Variants in EFR3A observed in about 807,000 individuals in gnomAD.
EFR3A encodes EFR3 homolog A.
Under a neutral mutation model 104.4 loss-of-function variants are expected in EFR3A, and 76 were observed. The observed-to-expected ratio is 0.73, with a 90% CI of 0.60 to 0.88. The LOEUF is 0.88. Ranked by LOEUF, EFR3A falls within the 40% of genes least tolerant of loss-of-function variation. The pLI is 0.00. For synonymous variants in EFR3A, 330 were observed against 330.0 expected (o/e 1.00, Z 0.00); for missense variants, 985 against 1,012.5 (o/e 0.97, Z 0.37).
In EFR3A at chr8:132,012,328, G is replaced by A. The variant is rs1822383266; in HGVS notation, c.*1433G>A. The A allele has an allele frequency of 6.6e-6, 1 of 152,116 alleles. No homozygotes were observed. Among genetic ancestry groups the A allele is most frequent in the Non-Finnish European group, 1.5e-5 (1 of 68,014 alleles). 9.4% of individuals were successfully genotyped at this position (152,116 alleles called of 1,614,324 possible). On this transcript the variant is annotated 3_prime_UTR_variant, in exon 23 of 23. Coordinates refer to ENST00000254624, the MANE Select transcript of EFR3A (RefSeq NM_015137.6). ...GACAAAAGTAAGGAAACGATAATAGGACAAGCATACTTGAAAATTTCTGAA... is the reference window on the plus strand; with the variant it reads ...GACAAAAGTAAGGAAACGATAATAGAACAAGCATACTTGAAAATTTCTGAA...
chr8:131,959,772 C>T (rs948403195), intron 8 of EFR3A, 109 bp downstream of exon 8: 1 of 618,534 alleles, frequency 1.6e-6, no homozygotes, highest in African/African-American at 1.9e-5. Flanking sequence ...AATCATTGCT[C>T]TTAATTTAGC....
intron 8 of EFR3A, among the ~76,000 whole-genome samples, chr8:131,960,710 G>T (rs1467532513): frequency 6.6e-6 from 1 of 152,098 alleles, no homozygotes; most frequent in Non-Finnish European, 1.5e-5. Flanking sequence ...ATCCTTAAGG[G>T]TTTACATAGT....
intron 8 of EFR3A, among the ~76,000 whole-genome samples, chr8:131,963,182 C>A (rs958529276): frequency 1.3e-4 from 20 of 152,112 alleles, no homozygotes; most frequent in Admixed American, 4.6e-4. Context: ...AGAGCAAACA[C>A]ATTCAAAAGC....
At chr8:131,979,916 T>G (rs1434091090) in intron 14 of EFR3A, among the ~76,000 whole-genome samples, 1 of 152,152 alleles carries the variant, frequency 6.6e-6, no homozygotes, top group Non-Finnish European at 1.5e-5. Context: ...TGATGATAAT[T>G]TAAATTCTGT....
intron 1 of EFR3A, among the ~76,000 whole-genome samples, chr8:131,930,482 G>T (rs1378382744): frequency 9.0e-6 from 1 of 110,642 alleles, no homozygotes; most frequent in Non-Finnish European, 2.1e-5. Flanking sequence ...AATCTTAAGA[G>T]AAATTTCAAA....
intron 1 of EFR3A, among the ~76,000 whole-genome samples, chr8:131,933,338 G>C (rs893962282): frequency 6.6e-6 from 1 of 152,156 alleles, no homozygotes; most frequent in Admixed American, 6.5e-5. Context: ...GAACCATGCA[G>C]TGTTGTACAG....
chr8:131,969,151 A>G (rs1819915973), intron 9 of EFR3A, among the ~76,000 whole-genome samples: 1 of 152,324 alleles, frequency 6.6e-6, no homozygotes, highest in Admixed American at 6.5e-5. Flanking sequence ...GGTTAATGAG[A>G]AAAAGGGATA....
At position 132,012,440 on chromosome 8, in the gene EFR3A, A is replaced by G. The variant is rs911337189; in HGVS notation, c.*1545A>G. Reference sequence around the variant, plus strand: ...ACTGAAAGATCCTGGGCTGCTTCTTAAATAAGTAGATCAGCAAGACTTGTT... The same window carrying G: ...ACTGAAAGATCCTGGGCTGCTTCTTGAATAAGTAGATCAGCAAGACTTGTT... On this transcript the variant is annotated 3_prime_UTR_variant, in exon 23 of 23. Transcript: ENST00000254624. 3 of 152,358 alleles carry G rather than the reference A, an allele frequency of 2.0e-5. No homozygotes were observed. The highest frequency in any genetic ancestry group is 2.9e-5 in the Non-Finnish European group (2 of 68,038). 9.4% of individuals were successfully genotyped at this position (152,358 alleles called of 1,614,324 possible).
At chr8:131,946,975 G>A (rs1258606483) in intron 4 of EFR3A, among the ~76,000 whole-genome samples, 1 of 151,900 alleles carries the variant, frequency 6.6e-6, no homozygotes, top group South Asian at 2.1e-4. Context: ...CCATTTTTAT[G>A]GCTAGTATGA....
chr8:131,985,030 T>C lies in EFR3A; in HGVS notation c.1839T>C (p.Ala613=). 1 of 1,613,576 alleles carries C rather than the reference T, an allele frequency of 6.2e-7. No individual in the cohort carries two copies. Among genetic ancestry groups the C allele is most frequent in the Non-Finnish European group, 8.5e-7 (1 of 1,179,594 alleles). Residue 613 remains alanine (A), a synonymous_variant, in exon 16 of 23, where the codon GCT becomes GCC. Coordinates refer to ENST00000254624, the MANE Select transcript of EFR3A (RefSeq NM_015137.6). The part of the protein sequence containing the change: ...AYLNFVSQMI[A]VPAFCQHVSK... ...TCAACTTTGTAAGTCAGATGATAGCTGTCCCTGCATTTTGCCAGCATGTTA... is the reference window on the plus strand; with the variant it reads ...TCAACTTTGTAAGTCAGATGATAGCCGTCCCTGCATTTTGCCAGCATGTTA...
At chr8:132,001,923 T>C (rs763640177) in intron 20 of EFR3A, 116 bp downstream of exon 20, 5 of 854,358 alleles carry the variant, frequency 5.9e-6, no homozygotes, top group Non-Finnish European at 9.5e-6. Context: ...AAGAAACTTG[T>C]TGGCTTCTAT....
chr8:131,910,581 G>A (rs748042364), intron 1 of EFR3A, among the ~76,000 whole-genome samples: 17 of 152,144 alleles, frequency 1.1e-4, no homozygotes, highest in Non-Finnish European at 2.2e-4. Flanking sequence ...TCTTTCTCTG[G>A]TTTTCTAGGG....
rs1191080015 is a variant in EFR3A, at chr8:131,970,732, G to C, written c.1159+89G>C. On this transcript the variant is annotated intron_variant, in intron 10 of 22. Transcript: ENST00000254624. ...GGTCCTGGACTATTATAGTACATTT[G>C]TCAAAGATGAATGATAGCTTAAATT... 3 of 1,245,172 alleles carry C rather than the reference G, an allele frequency of 2.4e-6. No homozygotes were observed. The East Asian group carries it at 7.3e-5, about 30-fold the overall frequency. The allele number at this position is 1,245,172 out of a possible 1,614,324, so 77.1% of individuals were successfully genotyped here. A position where few individuals can be genotyped will look rare whatever the true frequency, so the allele number is the denominator to read the frequency against.
At chr8:131,970,421 T>C in intron 9 of EFR3A, 55 bp from the exon 10 acceptor site, 1 of 1,518,972 alleles carries the variant, frequency 6.6e-7, no homozygotes, top group South Asian at 1.2e-5. Flanking sequence ...GGTAATTGAC[T>C]TCAAATATGC....
chr8:132,008,846 C>CAAAAAAAAAAAA lies in EFR3A; in HGVS notation c.2361-1927_2361-1916dup, dbSNP rs55964352. ...GGGTGACAAGAGTAAAACTCCATCT[C>CAAAAAAAAAAAA]AAAAAAAAAAAAAAAAAAAAAAAAA... On this transcript the variant is annotated intron_variant, in intron 22 of 22. Transcript: ENST00000254624. Among the ~76,000 whole-genome samples the CAAAAAAAAAAAA allele has an allele frequency of 2.8e-3, 90 of 32,164 alleles. 5 individuals are homozygous for CAAAAAAAAAAAA. Among genetic ancestry groups the CAAAAAAAAAAAA allele is most frequent in the East Asian group, 3.9e-3 (7 of 1,800 alleles). 21.1% of individuals were successfully genotyped at this position (32,164 alleles called of 152,430 possible).
rs576546727 is a variant in EFR3A at position 131,962,804 on chromosome 8, A to T, written c.855+3141A>T. Reference sequence around the variant, plus strand: ...CCACACCACACTTATTCCAAAATTGACCACATAGTTGGAAGTAAAGCACTC... The same window carrying T: ...CCACACCACACTTATTCCAAAATTGTCCACATAGTTGGAAGTAAAGCACTC... On this transcript the variant is annotated intron_variant, in intron 8 of 22. Coordinates refer to ENST00000254624, the MANE Select transcript of EFR3A (RefSeq NM_015137.6). Among the ~76,000 whole-genome samples the T allele has an allele frequency of 4.6e-5, 7 of 152,306 alleles. No homozygotes were observed. The East Asian group carries it at 1.4e-3, about 29-fold the overall frequency.
chr8:131,953,847 A>G lies in EFR3A; in HGVS notation c.518A>G (p.Gln173Arg). 13 of 1,559,270 alleles carry G rather than the reference A, an allele frequency of 8.3e-6. No individual in the cohort carries two copies. The highest frequency in any genetic ancestry group is 1.1e-5 in the Non-Finnish European group (13 of 1,150,958). Residue 173 changes from glutamine to arginine, a missense_variant, in exon 6 of 23, where the codon CAA becomes CGA. Transcript: ENST00000254624. ...CGAATTGCTGGAATTAGAGGTATTC[A>G]AGGTGTGGTTCGCAAAACAGTCAAC... ...EIRIAGIRGI[Q>R]GVVRKTVNDE...
chr8:131,987,463 T>G, intron 17 of EFR3A, 112 bp from the exon 18 acceptor site: 11 of 1,182,326 alleles, frequency 9.3e-6, no homozygotes, highest in Non-Finnish European at 1.3e-5. Context: ...ACAGTTTACA[T>G]TGTGTTTATA....
intron 1 of EFR3A, among the ~76,000 whole-genome samples, chr8:131,907,647 T>C (rs1391934779): frequency 6.6e-6 from 1 of 152,248 alleles, no homozygotes; most frequent in Non-Finnish European, 1.5e-5. Flanking sequence ...GAATGAATTA[T>C]AAAAGAGGGT....
Sources: allele counts gnomAD v4.1 joint callset (sites outside exome capture counted in the v4.1 genomes callset), GRCh38; gene constraint gnomAD v4.1.1; transcripts MANE v1.5; gene names NCBI Gene and HGNC (gene_info 2026-07-23, HGNC 2026-07-21).